ARHGEF38: variants seen among roughly 807,000 people sequenced by gnomAD.
The protein encoded by ARHGEF38 is Rho guanine nucleotide exchange factor (GEF) 38.
ARHGEF38 carries 79 observed loss-of-function variants against 79.9 expected under a neutral mutation model. The observed-to-expected ratio is 0.99, with a 90% CI of 0.82 to 1.19. The LOEUF (loss-of-function observed/expected upper bound fraction) is 1.19, where lower values mean the gene tolerates loss of function less well. ARHGEF38 is among the 50% of genes most tolerant of loss of function. The probability of loss-of-function intolerance (pLI) is 0.00; values close to 1 mark genes in which losing one functional copy is unlikely to be tolerated. For missense variants in ARHGEF38, 962 were observed against 907.2 expected (o/e 1.06, Z -0.78); for synonymous variants, 366 against 328.3 (o/e 1.11, Z -1.24).
rs534344857 is a variant in ARHGEF38, at chr4:105,633,990, A to G, written c.657-2413A>G. 4.6e-5 allele frequency among the ~76,000 whole-genome samples: 7 copies of G among 152,292 alleles called. No individual in the cohort carries two copies. In the South Asian group the frequency reaches 1.4e-3, roughly 32 times the overall value. On this transcript the variant is annotated intron_variant, in intron 4 of 13. Transcript: ENST00000420470. ...TTTGAAGCCAATTATCTTTCAAAAG[A>G]GAGAATAATGTTGAATCCTTTCATA...
chr4:105,615,613 C>G (rs1728481040), intron 3 of ARHGEF38, among the ~76,000 whole-genome samples: 1 of 152,178 alleles, frequency 6.6e-6, no homozygotes, highest in African/African-American at 2.4e-5. Context: ...TAGCATTTGT[C>G]ATGGACTTTT....
intron 5 of ARHGEF38, among the ~76,000 whole-genome samples, chr4:105,643,572 A>G (rs1729709542): frequency 6.6e-6 from 1 of 152,342 alleles, no homozygotes; most frequent in East Asian, 1.9e-4. Flanking sequence ...ATAAAAGTAC[A>G]TTACAGAAAA....
Position 105,631,011 on chromosome 4 carries a change from A to C in ARHGEF38, c.622A>C (p.Lys208Gln). Residue 208 changes from lysine (K) to glutamine (Q), a missense_variant, in exon 4 of 14, where the codon AAG becomes CAG. Coordinates refer to ENST00000420470, the MANE Select transcript of ARHGEF38 (RefSeq NM_001242729.2). ...GTCCTATGAAAAGGAAGAAGAGCTGAAGGAACATTTGAGCCACTGTATCCA... is the reference window on the plus strand; with the variant it reads ...GTCCTATGAAAAGGAAGAAGAGCTGCAGGAACATTTGAGCCACTGTATCCA... ...LESYEKEEEL[K>Q]EHLSHCIQSL... is the part of the protein sequence containing the mutation. The C allele has an allele frequency of 6.2e-7, 1 of 1,613,862 alleles. No homozygotes were observed. The highest frequency in any genetic ancestry group is 8.5e-7 in the Non-Finnish European group (1 of 1,179,880).
At chr4:105,583,939 C>T (rs1426383821) in intron 1 of ARHGEF38, among the ~76,000 whole-genome samples, 1 of 152,044 alleles carries the variant, frequency 6.6e-6, no homozygotes, top group East Asian at 1.9e-4. Context: ...ATTATTTTTA[C>T]TTAGTGTGTT....
rs1218083375 is a variant in ARHGEF38, at chr4:105,659,340, A to G, written c.1520A>G (p.Gln507Arg). 1 of 1,535,184 alleles carries G rather than the reference A, an allele frequency of 6.5e-7. No homozygotes were observed. The highest frequency in any genetic ancestry group is 8.7e-7 in the Non-Finnish European group (1 of 1,146,800). ...CTTAGGGACCTGATGCTCGTGGCAC[A>G]GCAGGCTTACTCCACACTTGTGCCG... ...TLLRDLMLVA[Q>R]QAYSTLVPMP... Residue 507 changes from glutamine to arginine, a missense_variant, in exon 10 of 14, where the codon CAG becomes CGG. Physicochemically the swap from Gln to Arg is conservative, Grantham distance 43. Transcript: ENST00000420470.
At chr4:105,654,336 G>A (rs1272420874) in intron 8 of ARHGEF38, among the ~76,000 whole-genome samples, 167 bp downstream of exon 8, 1 of 152,164 alleles carries the variant, frequency 6.6e-6, no homozygotes, top group Non-Finnish European at 1.5e-5. Flanking sequence ...CCAATATATA[G>A]AGGTGTTTTG....
At position 105,680,420 on chromosome 4, in the gene ARHGEF38, A is replaced by C. The variant is rs1200211587; in HGVS notation, c.*2483A>C. The C allele has an allele frequency of 5.7e-6, 1 of 176,384 alleles. No individual in the cohort carries two copies. Among genetic ancestry groups the C allele is most frequent in the Non-Finnish European group, 1.2e-5 (1 of 83,082 alleles). 10.9% of individuals were successfully genotyped at this position (176,384 alleles called of 1,614,324 possible). A position where few individuals can be genotyped will look rare whatever the true frequency, so the allele number is the denominator to read the frequency against. On this transcript the variant is annotated 3_prime_UTR_variant, in exon 14 of 14. Coordinates refer to ENST00000420470, the MANE Select transcript of ARHGEF38 (RefSeq NM_001242729.2). ...GTGGGAATACAATGCTGTGCAAGAC[A>C]AACAAGATCCCTCCATTCATACCAC...
At chr4:105,622,399 T>A (rs1378240477) in intron 3 of ARHGEF38, among the ~76,000 whole-genome samples, 1 of 152,146 alleles carries the variant, frequency 6.6e-6, no homozygotes. Context: ...AAATGAGAAG[T>A]ACATAGAAAG....
downstream of ARHGEF38, chr4:105,681,096 A>T (rs942516751): frequency 2.6e-5 from 4 of 152,134 alleles, no homozygotes; most frequent in Admixed American, 1.3e-4. Context: ...TTATCAAAAT[A>T]AATCTGTTTC....
intron 2 of ARHGEF38, among the ~76,000 whole-genome samples, chr4:105,603,658 T>G (rs1727918185): frequency 6.6e-6 from 1 of 152,144 alleles, no homozygotes; most frequent in Non-Finnish European, 1.5e-5. Flanking sequence ...CATTCAGCCT[T>G]GCAGGCAGAG....
At chr4:105,617,766 T>G (rs962065316) in intron 3 of ARHGEF38, among the ~76,000 whole-genome samples, 1 of 152,118 alleles carries the variant, frequency 6.6e-6, no homozygotes, top group African/African-American at 2.4e-5. Flanking sequence ...GACATTGAAA[T>G]GTATCCCTAT....
chr4:105,589,545 C>A, intron 2 of ARHGEF38, 110 bp downstream of exon 2: 1 of 950,618 alleles, frequency 1.1e-6, no homozygotes, highest in Non-Finnish European at 1.5e-6. Flanking sequence ...GCCTTTCTCC[C>A]CAAAACAGCA....
intron 13 of ARHGEF38, among the ~76,000 whole-genome samples, chr4:105,671,282 C>G (rs1730949161): frequency 6.6e-6 from 1 of 152,132 alleles, no homozygotes. Context: ...TAGAAATCAT[C>G]TAACTCAAAC....
At chr4:105,623,862 C>A (rs925907250) in intron 3 of ARHGEF38, among the ~76,000 whole-genome samples, 1 of 152,194 alleles carries the variant, frequency 6.6e-6, no homozygotes, top group African/African-American at 2.4e-5. Flanking sequence ...AGCCCACTAG[C>A]ACCCCCCAGT....
chr4:105,562,801 G>A (rs1275026251), intron 1 of ARHGEF38, among the ~76,000 whole-genome samples: 3 of 152,110 alleles, frequency 2.0e-5, no homozygotes, highest in South Asian at 2.1e-4. Flanking sequence ...ATAGAGATTC[G>A]GGTGGAGGGG....
At chr4:105,628,127 T>C (rs6533214) in intron 3 of ARHGEF38, among the ~76,000 whole-genome samples, 38,945 of 152,132 alleles carry the variant, frequency 0.26, 7,415 homozygotes, top group African/African-American at 0.53. Context: ...TTACAATTAA[T>C]GGGTTCATTG....
chr4:105,561,459 A>AGAATAGAATG (rs1578253525), intron 1 of ARHGEF38: 202 of 37,968 alleles, frequency 5.3e-3, no homozygotes, highest in South Asian at 0.022. Context: ...GGAATAGAAT[A>AGAATAGAATG]GAATAGAATA....
intron 13 of ARHGEF38, among the ~76,000 whole-genome samples, chr4:105,670,341 G>A (rs1369698856): frequency 6.6e-6 from 1 of 152,146 alleles, no homozygotes; most frequent in African/African-American, 2.4e-5. Context: ...TTGTGGGTAT[G>A]AGGTGGTATC....
chr4:105,592,752 T>C (rs142883795), intron 2 of ARHGEF38, among the ~76,000 whole-genome samples: 6 of 152,312 alleles, frequency 3.9e-5, no homozygotes, highest in Admixed American at 1.3e-4. Context: ...TCTCTCAGCT[T>C]ATGCCCTTTT....
Sources: allele counts gnomAD v4.1 joint callset (sites outside exome capture counted in the v4.1 genomes callset), GRCh38; gene constraint gnomAD v4.1.1; transcripts MANE v1.5; gene names NCBI Gene and HGNC (gene_info 2026-07-23, HGNC 2026-07-21).